Variants in ITPR2 observed in about 807,000 individuals in gnomAD.
ITPR2 encodes the protein inositol 1,4,5-trisphosphate receptor type 2.
A neutral mutation model predicts 317.1 loss-of-function variants in ITPR2; 207 were observed. The observed-to-expected ratio is 0.65, with a 90% CI of 0.58 to 0.73. ITPR2 has a LOEUF of 0.73. Ranked by LOEUF, ITPR2 falls within the 30% of genes least tolerant of loss-of-function variation. ITPR2 has a pLI of 0.00. For synonymous variants in ITPR2, 1,156 were observed against 1,149.1 expected, an observed-to-expected ratio of 1.01 and a Z score of -0.12; for missense variants, 2,613 against 3,284.0, an observed-to-expected ratio of 0.80 and a Z score of 4.99.
rs1291863377 is a variant in ITPR2, at chr12:26,724,810, A to T, written c.280-68T>A. ...ACAGAGTGTAATAACTGACAAAGAAATTTTTTTTAGGAACAAGACTATAGC... is the reference window on the plus strand; with the variant it reads ...ACAGAGTGTAATAACTGACAAAGAATTTTTTTTTAGGAACAAGACTATAGC... On this transcript the variant is annotated intron_variant, in intron 3 of 56. Transcript: ENST00000381340. 1.5e-5 allele frequency: 17 copies of T among 1,110,472 alleles called. No individual in the cohort carries two copies. In the East Asian group the frequency reaches 4.1e-4, roughly 27 times the overall value. 68.8% of individuals were successfully genotyped at this position (1,110,472 alleles called of 1,614,324 possible). A position where few individuals can be genotyped will look rare whatever the true frequency, so the allele number is the denominator to read the frequency against.
intron 26 of ITPR2, among the ~76,000 whole-genome samples, chr12:26,611,850 C>A (rs938161363): frequency 6.6e-6 from 1 of 152,162 alleles, no homozygotes; most frequent in Non-Finnish European, 1.5e-5. Flanking sequence ...GAAGGCAATG[C>A]ATATTTGAAA....
In ITPR2 at chr12:26,387,494, C is replaced by T. The variant is rs1341377814; in HGVS notation, c.7797G>A (p.Val2599=). The T allele has an allele frequency of 6.2e-7, 1 of 1,613,762 alleles. No homozygotes were observed. Among genetic ancestry groups the T allele is most frequent in the Non-Finnish European group, 8.5e-7 (1 of 1,179,870 alleles). ...MWHYLYFIVL[V]KVKDPTEYTG... is the part of the protein sequence containing the mutation. ...TGTATTCTGTTGGGTCTTTAACTTT[C>T]ACCAGGACTATGAAGTACAAATAAT... Residue 2599 remains valine (V), a synonymous_variant, in exon 55 of 57, where the codon GTG becomes GTA. Coordinates refer to ENST00000381340, the MANE Select transcript of ITPR2 (RefSeq NM_002223.4).
intron 37 of ITPR2, among the ~76,000 whole-genome samples, chr12:26,540,084 G>A (rs1415902276): frequency 6.6e-6 from 1 of 152,114 alleles, no homozygotes; most frequent in Non-Finnish European, 1.5e-5. Flanking sequence ...GCTGGAACTG[G>A]AGAGAAATCC....
At chr12:26,434,719 A>G (rs972151968) in intron 48 of ITPR2, among the ~76,000 whole-genome samples, 1 of 152,164 alleles carries the variant, frequency 6.6e-6, no homozygotes, top group Non-Finnish European at 1.5e-5. Flanking sequence ...CTGGGCTTCC[A>G]TCTGTTCATC....
intron 2 of ITPR2, among the ~76,000 whole-genome samples, chr12:26,739,653 C>A (rs1331279116): frequency 6.6e-6 from 1 of 152,080 alleles, no homozygotes; most frequent in African/African-American, 2.4e-5. Flanking sequence ...GGGGTGGAAG[C>A]AAGGATTGAC....
At chr12:26,502,110 T>C (rs895950611) in intron 37 of ITPR2, among the ~76,000 whole-genome samples, 11 of 152,206 alleles carry the variant, frequency 7.2e-5, no homozygotes, top group Non-Finnish European at 1.6e-4. Context: ...TAAAGCAAAC[T>C]GTATTTGTTT....
rs762965954 is a variant in ITPR2 at position 26,588,838 on chromosome 12, T to G, written c.4380+6627A>C. ...TAGGTGAGCCTCCTAAATTATTTCT[T>G]GGTCTAATTTCATTCTGCTAGTACA... On this transcript the variant is annotated intron_variant, in intron 32 of 56. Coordinates refer to ENST00000381340, the MANE Select transcript of ITPR2 (RefSeq NM_002223.4). Among the ~76,000 whole-genome samples, 16 of 152,372 alleles carry G rather than the reference T, an allele frequency of 1.1e-4. No homozygotes were observed. In the East Asian group the frequency reaches 3.1e-3, roughly 29 times the overall value.
chr12:26,753,822 T>C (rs1949473520), intron 2 of ITPR2, among the ~76,000 whole-genome samples: 1 of 152,174 alleles, frequency 6.6e-6, no homozygotes, highest in South Asian at 2.1e-4. Context: ...AACTGGCCAG[T>C]TACAAACTTT....
At chr12:26,502,802 C>T (rs1943100373) in intron 37 of ITPR2, among the ~76,000 whole-genome samples, 1 of 152,114 alleles carries the variant, frequency 6.6e-6, no homozygotes, top group Non-Finnish European at 1.5e-5. Context: ...ATATGAACTT[C>T]AGTGGGAGAA....
chr12:26,627,956 GT>G (rs1225362525), intron 23 of ITPR2, 76 bp downstream of exon 23: 1 of 1,277,586 alleles, frequency 7.8e-7, no homozygotes, highest in Non-Finnish European at 1.1e-6. Flanking sequence ...ATATAATTAT[GT>G]TTTAAAATAT....
At chr12:26,406,218 A>G (rs1426601879) in intron 52 of ITPR2, among the ~76,000 whole-genome samples, 1 of 152,132 alleles carries the variant, frequency 6.6e-6, no homozygotes, top group Non-Finnish European at 1.5e-5. Context: ...CTTTTCTATT[A>G]AAGTAAAATA....
intron 55 of ITPR2, among the ~76,000 whole-genome samples, chr12:26,344,169 T>A (rs1041644857): frequency 6.6e-6 from 1 of 152,144 alleles, no homozygotes; most frequent in African/African-American, 2.4e-5. Context: ...CCTCCAGAAC[T>A]GTGAGCCAAT....
intron 21 of ITPR2, among the ~76,000 whole-genome samples, chr12:26,647,858 C>G (rs1202884815): frequency 6.6e-6 from 1 of 152,238 alleles, no homozygotes; most frequent in East Asian, 1.9e-4. Context: ...TGCCAGCTCC[C>G]TGTGTCTCCA....
At chr12:26,410,250 C>A (rs571180644) in intron 52 of ITPR2, among the ~76,000 whole-genome samples, 1 of 152,238 alleles carries the variant, frequency 6.6e-6, no homozygotes, top group Admixed American at 6.5e-5. Flanking sequence ...TTATTGTGAG[C>A]CTTGACTGGG....
intron 16 of ITPR2, among the ~76,000 whole-genome samples, chr12:26,658,752 G>A (rs756534729): frequency 5.3e-5 from 8 of 152,074 alleles, no homozygotes; most frequent in Non-Finnish European, 1.0e-4. Context: ...TTGCTCACTC[G>A]GCTTCTATTT....
chr12:26,633,357 T>C (rs1399106110), intron 21 of ITPR2, among the ~76,000 whole-genome samples: 1 of 152,252 alleles, frequency 6.6e-6, no homozygotes, highest in Non-Finnish European at 1.5e-5. Flanking sequence ...CTTATCTGTA[T>C]ATGGAATCAA....
chr12:26,663,912 C>A, intron 14 of ITPR2, 66 bp from the exon 15 acceptor site: 9 of 1,327,962 alleles, frequency 6.8e-6, no homozygotes, highest in Non-Finnish European at 9.2e-6. Context: ...TTTTTTTTAA[C>A]AAATAAGAAC....
At chr12:26,631,551 A>G (rs895788255) in intron 22 of ITPR2, among the ~76,000 whole-genome samples, 1 of 152,226 alleles carries the variant, frequency 6.6e-6, no homozygotes, top group Non-Finnish European at 1.5e-5. Flanking sequence ...ATCCTTCTCA[A>G]ATGAAGGTAA....
intron 37 of ITPR2, among the ~76,000 whole-genome samples, chr12:26,515,391 G>C (rs1943458353): frequency 1.3e-5 from 2 of 152,056 alleles, no homozygotes; most frequent in Non-Finnish European, 2.9e-5. Context: ...TGTAATTATT[G>C]TATTGCCTGT....
Sources: allele counts gnomAD v4.1 joint callset (sites outside exome capture counted in the v4.1 genomes callset), GRCh38; gene constraint gnomAD v4.1.1; transcripts MANE v1.5; gene names NCBI Gene and HGNC (gene_info 2026-07-23, HGNC 2026-07-21).